Variants in CDYL observed in about 807,000 individuals in gnomAD.
The protein encoded by CDYL is chromodomain Y like.
In CDYL, 8 loss-of-function variants were observed where a neutral mutation model predicts 47.3. The ratio of observed to expected loss-of-function variants is 0.17; its 90% CI spans 0.10 to 0.31. The LOEUF (loss-of-function observed/expected upper bound fraction) is 0.31. CDYL is among the 10% of genes least tolerant of loss of function. The probability of loss-of-function intolerance (pLI) is 1.00; values close to 1 mark genes in which losing one functional copy is unlikely to be tolerated. For synonymous variants in CDYL, 266 were observed against 265.0 expected (o/e 1.00, Z -0.04); for missense variants, 471 against 701.4 (o/e 0.67, Z 3.71).
At chr6:4,748,883 A>G (rs1015495448) in intron 3 of CDYL, among the ~76,000 whole-genome samples, 1 of 152,150 alleles carries the variant, frequency 6.6e-6, no homozygotes, top group Admixed American at 6.5e-5. Context: ...TCTTCCTAGA[A>G]GTCTTTAACA....
chr6:4,765,923 T>C (rs1758245310), intron 3 of CDYL, among the ~76,000 whole-genome samples: 1 of 151,822 alleles, frequency 6.6e-6, no homozygotes, highest in Non-Finnish European at 1.5e-5. Flanking sequence ...GAAATAATAA[T>C]GATAGAAGTG....
intron 3 of CDYL, among the ~76,000 whole-genome samples, chr6:4,763,721 T>C (rs1358708398): frequency 6.6e-6 from 1 of 152,164 alleles, no homozygotes; most frequent in East Asian, 1.9e-4. Flanking sequence ...CATGGGCGGA[T>C]CACTTGAGAT....
chr6:4,729,596 C>T (rs1757570478), intron 2 of CDYL, among the ~76,000 whole-genome samples: 1 of 152,196 alleles, frequency 6.6e-6, no homozygotes. Context: ...CTAAAAAAAA[C>T]AATGACCAAA....
chr6:4,856,888 A>C (rs918473667), intron 1 of CDYL, among the ~76,000 whole-genome samples: 5 of 152,218 alleles, frequency 3.3e-5, no homozygotes, highest in Non-Finnish European at 5.9e-5. Flanking sequence ...GAGAAACTCT[A>C]ACCTGACCTG....
At chr6:4,792,636 A>G (rs926772867) in intron 1 of CDYL, among the ~76,000 whole-genome samples, 4 of 151,912 alleles carry the variant, frequency 2.6e-5, no homozygotes, top group Non-Finnish European at 5.9e-5. Context: ...GGGTTTCACC[A>G]TGTTGGCCAG....
chr6:4,770,135 C>G (rs1262406685), intron 3 of CDYL, among the ~76,000 whole-genome samples: 1 of 152,064 alleles, frequency 6.6e-6, no homozygotes, highest in Non-Finnish European at 1.5e-5. Flanking sequence ...TGGCGCCGGG[C>G]CAACATTTTT....
At chr6:4,836,389 A>G (rs1267709447) in intron 1 of CDYL, 5 of 380,832 alleles carry the variant, frequency 1.3e-5, no homozygotes, top group Non-Finnish European at 1.8e-5. Flanking sequence ...AACCAGTGTG[A>G]TACATTTTCT....
chr6:4,952,651 A>G (rs1195027139), intron 6 of CDYL, among the ~76,000 whole-genome samples: 6 of 152,148 alleles, frequency 3.9e-5, no homozygotes, highest in Non-Finnish European at 8.8e-5. Flanking sequence ...AAGTTAGCAA[A>G]TGTCCTATGA....
chr6:4,839,600 A>T (rs933153761), intron 1 of CDYL, among the ~76,000 whole-genome samples: 12 of 152,116 alleles, frequency 7.9e-5, no homozygotes, highest in African/African-American at 2.9e-4. Flanking sequence ...TTTGTTTAAG[A>T]TGAGAGATGA....
In CDYL at chr6:4,933,928, C is replaced by T. The variant is rs575570957; in HGVS notation, c.692-1587C>T. On this transcript the variant is annotated intron_variant, in intron 2 of 6. Coordinates refer to ENST00000397588, the MANE Select transcript of CDYL (RefSeq NM_004824.4). ...TACAGTGCATCCCTACCTTGGGCCT[C>T]GCCTGCCACGCAGCCTTAGGAAAGA... Among the ~76,000 whole-genome samples the T allele has an allele frequency of 3.3e-5, 5 of 152,324 alleles. No individual in the cohort carries two copies. The South Asian group carries it at 6.2e-4, about 19-fold the overall frequency.
chr6:4,829,160 T>C (rs1760064241), intron 1 of CDYL, among the ~76,000 whole-genome samples: 3 of 152,212 alleles, frequency 2.0e-5, no homozygotes, highest in African/African-American at 7.2e-5. Flanking sequence ...TTGTTGTTGT[T>C]ACTGTTGAAA....
chr6:4,895,154 C>T (rs529384901), intron 2 of CDYL, among the ~76,000 whole-genome samples: 91 of 97,108 alleles, frequency 9.4e-4, no homozygotes, highest in African/African-American at 2.6e-3. Flanking sequence ...TATCTATACA[C>T]ATACATGTAC....
chr6:4,911,077 T>C (rs1757401195), intron 2 of CDYL, among the ~76,000 whole-genome samples: 1 of 152,190 alleles, frequency 6.6e-6, no homozygotes, highest in Non-Finnish European at 1.5e-5. Context: ...CCACCCGCCT[T>C]GGCCTCCCAA....
At chr6:4,940,608 T>C (rs1758335179) in intron 4 of CDYL, among the ~76,000 whole-genome samples, 1 of 152,258 alleles carries the variant, frequency 6.6e-6, no homozygotes, top group Non-Finnish European at 1.5e-5. Context: ...AACAAAAATA[T>C]TCTGCACCTT....
At chr6:4,731,901 G>A (rs1288172453) in intron 2 of CDYL, among the ~76,000 whole-genome samples, 1 of 152,078 alleles carries the variant, frequency 6.6e-6, no homozygotes, top group Admixed American at 6.5e-5. Flanking sequence ...GTGGAAGGAG[G>A]GGGAAGATGG....
intron 2 of CDYL, among the ~76,000 whole-genome samples, chr6:4,919,269 A>C (rs893505623): frequency 2.6e-5 from 4 of 152,036 alleles, no homozygotes; most frequent in African/African-American, 9.7e-5. Flanking sequence ...ATACATTAAA[A>C]CTGCAAGGCT....
chr6:4,749,571 T>C (rs1400272383), intron 3 of CDYL, among the ~76,000 whole-genome samples: 1 of 152,238 alleles, frequency 6.6e-6, no homozygotes, highest in African/African-American at 2.4e-5. Flanking sequence ...ATAGACTGTT[T>C]CAATGTTTTC....
rs190970203 is a variant in CDYL, at chr6:4,709,274, C to T, written c.-39+3023C>T. 6.2e-3 allele frequency among the ~76,000 whole-genome samples: 951 copies of T among 152,202 alleles called. 7 individuals are homozygous for T. The highest frequency in any genetic ancestry group is 8.6e-3 in the Non-Finnish European group (586 of 68,002). On this transcript the variant is annotated intron_variant, in intron 1 of 8. Transcript: ENST00000328908. ...GCAGTGGCCCCGTCTTGGCTCACTG[C>T]AACCTCCGCCTCCTGAGTTCAAGCA...
Position 4,935,608 on chromosome 6 carries a change from T to C in CDYL, c.785T>C (p.Ile262Thr). 1 of 1,614,230 alleles carries C rather than the reference T, an allele frequency of 6.2e-7. No individual in the cohort carries two copies. Among genetic ancestry groups the C allele is most frequent in the African/African-American group, 1.3e-5 (1 of 75,066 alleles). ...GTGACTGCCAGCAAAAGGAAATTTA[T>C]TGACGACAGAAGAGACCAGCCTTTT... ...TGVTASKRKFIDDRRDQPFDK... is the reference protein window; with the variant it reads ...TGVTASKRKFTDDRRDQPFDK... Residue 262 changes from isoleucine to threonine, a missense_variant, in exon 3 of 7, where the codon ATT becomes ACT. By Grantham distance (89) the Ile-to-Thr change is moderately conservative. This residue lies in a region of CDYL where 311 missense variants were observed against 350.0 expected (regional missense o/e 0.89). Coordinates refer to ENST00000397588, the MANE Select transcript of CDYL (RefSeq NM_004824.4).
Sources: allele counts gnomAD v4.1 joint callset (sites outside exome capture counted in the v4.1 genomes callset), GRCh38; gene constraint gnomAD v4.1.1; regional missense constraint gnomAD v4.1.1; transcripts MANE v1.5; gene names NCBI Gene and HGNC (gene_info 2026-07-23, HGNC 2026-07-21).